Variants in KCNMA1 observed in about 807,000 individuals in gnomAD.
KCNMA1 encodes the protein potassium calcium-activated channel subfamily M alpha 1, also known as Calcium-activated potassium channel subunit alpha-1.
In KCNMA1, 29 loss-of-function variants were observed where a neutral mutation model predicts 140.0. The observed-to-expected ratio is 0.21, with a 90% CI of 0.15 to 0.28. The LOEUF is 0.28. Ranked by LOEUF, KCNMA1 falls within the 10% of genes least tolerant of loss-of-function variation. The probability of loss-of-function intolerance (pLI) is 1.00; values close to 1 mark genes in which losing one functional copy is unlikely to be tolerated. For synonymous variants in KCNMA1, 612 were observed against 611.9 expected (o/e 1.00, Z 0.00); for missense variants, 880 against 1,602.2 (o/e 0.55, Z 7.70).
intron 1 of KCNMA1, among the ~76,000 whole-genome samples, chr10:77,494,853 C>T (rs1037096270): frequency 6.6e-6 from 1 of 152,226 alleles, no homozygotes; most frequent in African/African-American, 2.4e-5. Flanking sequence ...TGTTCCAGGC[C>T]TCTCTCCTAG....
intron 23 of KCNMA1, among the ~76,000 whole-genome samples, chr10:76,923,053 A>G (rs1247394748): frequency 1.3e-5 from 2 of 152,192 alleles, no homozygotes; most frequent in African/African-American, 4.8e-5. Context: ...GTCTTTGATT[A>G]GCACCTTTGC....
intron 6 of KCNMA1, among the ~76,000 whole-genome samples, chr10:77,117,561 A>AAAAAAAAAAAAAAAAAAAAAAG (rs1554837398): frequency 6.8e-6 from 1 of 147,558 alleles, no homozygotes; most frequent in African/African-American, 2.6e-5. Context: ...AAAAAAAAAA[A>AAAAAAAAAAAAAAAAAAAAAAG]AAAAGAAAAG....
intron 2 of KCNMA1, among the ~76,000 whole-genome samples, chr10:77,328,884 A>C (rs966039040): frequency 3.9e-5 from 6 of 152,140 alleles, no homozygotes; most frequent in Non-Finnish European, 8.8e-5. Context: ...ACTGTCACCC[A>C]GGCTGGAGTG....
At chr10:77,312,632 T>C (rs1033839741) in intron 2 of KCNMA1, among the ~76,000 whole-genome samples, 2 of 151,830 alleles carry the variant, frequency 1.3e-5, no homozygotes, top group Non-Finnish European at 2.9e-5. Context: ...TCTCAAAAAA[T>C]AAAGAATGCC....
chr10:77,141,771 A>G (rs1237232116), intron 5 of KCNMA1, among the ~76,000 whole-genome samples: 2 of 152,224 alleles, frequency 1.3e-5, no homozygotes, highest in East Asian at 1.9e-4. Context: ...ACATTCCACA[A>G]GTTGTTAGCT....
At chr10:77,332,704 A>T (rs1019353516) in intron 2 of KCNMA1, among the ~76,000 whole-genome samples, 2 of 152,328 alleles carry the variant, frequency 1.3e-5, no homozygotes, top group East Asian at 3.9e-4. Flanking sequence ...ACTTGAACAC[A>T]TCCATGGGAT....
intron 13 of KCNMA1, among the ~76,000 whole-genome samples, chr10:77,075,476 C>G (rs1359126314): frequency 1.3e-5 from 2 of 152,172 alleles, no homozygotes; most frequent in African/African-American, 4.8e-5. Context: ...TTCATGGCAC[C>G]TTCAAACAAA....
At chr10:77,591,208 T>G (rs1226371081) in intron 1 of KCNMA1, among the ~76,000 whole-genome samples, 1 of 152,056 alleles carries the variant, frequency 6.6e-6, no homozygotes. Flanking sequence ...AGATCACTCA[T>G]GTACCAAGAG....
At chr10:77,507,242 C>T (rs1269471183) in intron 1 of KCNMA1, among the ~76,000 whole-genome samples, 1 of 152,176 alleles carries the variant, frequency 6.6e-6, no homozygotes, top group African/African-American at 2.4e-5. Flanking sequence ...CTTGCAACTT[C>T]GTTTGGCTCC....
intron 1 of KCNMA1, among the ~76,000 whole-genome samples, chr10:77,414,657 A>AT (rs777611056): frequency 1.3e-4 from 19 of 149,248 alleles, no homozygotes; most frequent in South Asian, 2.1e-4. Context: ...TGCTCCAGTA[A>AT]TTTTTTTTTT....
intron 17 of KCNMA1, among the ~76,000 whole-genome samples, chr10:77,015,437 T>C (rs895026590): frequency 2.6e-5 from 4 of 152,102 alleles, no homozygotes; most frequent in Admixed American, 2.0e-4. Context: ...TCCTTTACTA[T>C]TTGCCCATAA....
At chr10:77,535,250 A>T (rs2058637712) in intron 1 of KCNMA1, among the ~76,000 whole-genome samples, 1 of 151,902 alleles carries the variant, frequency 6.6e-6, no homozygotes, top group Non-Finnish European at 1.5e-5. Context: ...CCCACCATTG[A>T]CTCCTGTTCA....
intron 2 of KCNMA1, among the ~76,000 whole-genome samples, chr10:77,268,767 C>T (rs926114351): frequency 6.6e-6 from 1 of 152,184 alleles, no homozygotes; most frequent in African/African-American, 2.4e-5. Flanking sequence ...TCGCTTATGG[C>T]TACTTTTCTC....
intron 3 of KCNMA1, among the ~76,000 whole-genome samples, chr10:77,192,919 AT>A (rs756537324): frequency 3.2e-4 from 49 of 152,204 alleles, no homozygotes; most frequent in Non-Finnish European, 6.3e-4. Context: ...AAAAGTGAAA[AT>A]TATATTTCCA....
intron 1 of KCNMA1, among the ~76,000 whole-genome samples, chr10:77,492,799 T>C (rs2040428640): frequency 6.6e-6 from 1 of 152,220 alleles, no homozygotes; most frequent in Non-Finnish European, 1.5e-5. Context: ...CTAAGAGTCC[T>C]CGCTTGTATG....
chr10:77,334,880 T>G (rs1273788966), intron 2 of KCNMA1, among the ~76,000 whole-genome samples: 1 of 152,194 alleles, frequency 6.6e-6, no homozygotes, highest in Non-Finnish European at 1.5e-5. Context: ...TCAACATGTA[T>G]CCAATATTTT....
At chr10:77,182,910 C>G (rs2098814280) in intron 5 of KCNMA1, among the ~76,000 whole-genome samples, 1 of 152,152 alleles carries the variant, frequency 6.6e-6, no homozygotes, top group Admixed American at 6.5e-5. Flanking sequence ...AGAAAGGGAC[C>G]TCAGTCTCCT....
chr10:77,435,418 C>T (rs1405115090), intron 1 of KCNMA1, among the ~76,000 whole-genome samples: 2 of 152,182 alleles, frequency 1.3e-5, no homozygotes, highest in Admixed American at 1.3e-4. Context: ...CATGCAGTCT[C>T]AATGGGGGCT....
At chr10:77,413,883 G>T (rs574691334) in intron 1 of KCNMA1, among the ~76,000 whole-genome samples, 1 of 152,164 alleles carries the variant, frequency 6.6e-6, no homozygotes, top group Non-Finnish European at 1.5e-5. Flanking sequence ...AAGAAGCTGG[G>T]ACCTAACCGA....
Sources: allele counts gnomAD v4.1 joint callset (sites outside exome capture counted in the v4.1 genomes callset), GRCh38; gene constraint gnomAD v4.1.1; transcripts MANE v1.5; gene names NCBI Gene and HGNC (gene_info 2026-07-23, HGNC 2026-07-21).